Variants in P2RY12 observed in about 807,000 individuals in gnomAD.
P2RY12 encodes the protein P2Y purinoceptor 12.
P2RY12 carries 3 observed loss-of-function variants against 4.5 expected under a neutral mutation model. The ratio of observed to expected loss-of-function variants is 0.67; its 90% CI spans 0.31 to 1.74. The LOEUF (loss-of-function observed/expected upper bound fraction) is 1.74, where lower values mean the gene tolerates loss of function less well. Ranked by LOEUF, P2RY12 falls within the 40% of genes most tolerant of loss-of-function variation. The pLI, the probability that P2RY12 is intolerant of heterozygous loss-of-function variation, is 0.09. For synonymous variants in P2RY12, 148 were observed against 154.1 expected, an observed-to-expected ratio of 0.96 and a Z score of 0.29; for missense variants, 356 against 407.8, an observed-to-expected ratio of 0.87 and a Z score of 1.09.
In P2RY12 at chr3:151,379,602, TGA is replaced by T. The variant is rs1166886170; in HGVS notation, c.-180+5088_-180+5089del. The stretch of plus-strand genomic sequence containing the variant: ...TTTTGGAGTCCTCAGCCCTGGCTGA[TGA>T]ATTAGCTCTACTAACACCCTGCTTT... On this transcript the variant is annotated intron_variant, in intron 1 of 2. Coordinates refer to ENST00000302632, the MANE Select transcript of P2RY12 (RefSeq NM_022788.5). 8.5e-5 allele frequency among the ~76,000 whole-genome samples: 13 copies of T among 152,302 alleles called. No homozygotes were observed. The South Asian group carries it at 1.2e-3, about 15-fold the overall frequency.
At chr3:151,372,229 A>G (rs1360140474) in intron 1 of P2RY12, among the ~76,000 whole-genome samples, 3 of 152,228 alleles carry the variant, frequency 2.0e-5, no homozygotes, top group East Asian at 1.9e-4. Context: ...AGTCAAATGA[A>G]TTTGAATACA....
At chr3:151,370,264 C>T (rs191951417) in intron 1 of P2RY12, among the ~76,000 whole-genome samples, 1 of 152,262 alleles carries the variant, frequency 6.6e-6, no homozygotes, top group East Asian at 1.9e-4. Flanking sequence ...TCAAGTCAGA[C>T]TGCCTAATTC....
At chr3:151,364,141 C>T (rs1754990179) in intron 1 of P2RY12, among the ~76,000 whole-genome samples, 1 of 152,144 alleles carries the variant, frequency 6.6e-6, no homozygotes, top group Non-Finnish European at 1.5e-5. Flanking sequence ...ATGCTACCTA[C>T]AGAAGGTAAG....
intron 1 of P2RY12, among the ~76,000 whole-genome samples, chr3:151,382,928 C>T (rs1469464636): frequency 2.0e-5 from 3 of 152,174 alleles, no homozygotes; most frequent in Non-Finnish European, 4.4e-5. Context: ...TCCTTCCTGT[C>T]TGGTCAGACA....
intron 1 of P2RY12, among the ~76,000 whole-genome samples, chr3:151,347,757 G>A (rs895209370): frequency 2.0e-5 from 3 of 152,118 alleles, no homozygotes; most frequent in Non-Finnish European, 1.5e-5. Flanking sequence ...ATTATACTTC[G>A]AAGCATTTTA....
At chr3:151,380,232 A>G (rs1712005439) in intron 1 of P2RY12, 1 of 1,505,276 alleles carries the variant, frequency 6.6e-7, no homozygotes. Flanking sequence ...CAGGTAAAGT[A>G]TAGTATAATA....
intron 1 of P2RY12, among the ~76,000 whole-genome samples, chr3:151,345,378 C>A (rs993089403): frequency 6.6e-6 from 1 of 152,004 alleles, no homozygotes; most frequent in Non-Finnish European, 1.5e-5. Context: ...AACTTGAGGG[C>A]GTTTAAACAC....
intron 1 of P2RY12, among the ~76,000 whole-genome samples, chr3:151,341,014 A>AT (rs891318441): frequency 6.6e-6 from 1 of 152,146 alleles, no homozygotes; most frequent in Non-Finnish European, 1.5e-5. Context: ...GTTATTTTCT[A>AT]TGCAAATGAT....
At chr3:151,371,896 T>G (rs1344120014) in intron 1 of P2RY12, among the ~76,000 whole-genome samples, 1 of 152,234 alleles carries the variant, frequency 6.6e-6, no homozygotes, top group Non-Finnish European at 1.5e-5. Flanking sequence ...AACTTTGTTA[T>G]GAAGAAAACA....
chr3:151,361,977 A>G (rs994281036), intron 1 of P2RY12, among the ~76,000 whole-genome samples: 2 of 152,120 alleles, frequency 1.3e-5, no homozygotes, highest in African/African-American at 4.8e-5. Flanking sequence ...GGTAGAAGGT[A>G]ATAGCTAAGA....
At chr3:151,345,352 T>G (rs1752396541) in intron 1 of P2RY12, among the ~76,000 whole-genome samples, 3 of 152,158 alleles carry the variant, frequency 2.0e-5, no homozygotes, top group Admixed American at 2.0e-4. Flanking sequence ...ATTATTAATA[T>G]TACTTACAAC....
intron 1 of P2RY12, among the ~76,000 whole-genome samples, chr3:151,363,527 A>G (rs577941574): frequency 1.8e-4 from 27 of 152,284 alleles, no homozygotes; most frequent in African/African-American, 6.3e-4. Flanking sequence ...TTCCATCAAG[A>G]GCTTTATTTC....
intron 1 of P2RY12, chr3:151,376,769 A>G (rs1428738152): frequency 3.2e-6 from 5 of 1,562,246 alleles, no homozygotes; most frequent in Non-Finnish European, 4.4e-6. Flanking sequence ...TTTGATACCC[A>G]TAATGTTTTA....
intron 1 of P2RY12, among the ~76,000 whole-genome samples, chr3:151,367,064 A>G (rs1162416369): frequency 2.0e-5 from 3 of 152,188 alleles, no homozygotes. Context: ...AGGTCACGTG[A>G]GATCTAGAAA....
chr3:151,347,849 TA>T lies in P2RY12; in HGVS notation c.-179-7090del, dbSNP rs568766780. 1.1e-3 allele frequency among the ~76,000 whole-genome samples: 165 copies of T among 152,288 alleles called. 1 individual carries two copies. Among genetic ancestry groups the T allele is most frequent in the African/African-American group, 3.8e-3 (156 of 41,566 alleles). On this transcript the variant is annotated intron_variant, in intron 1 of 2. Coordinates refer to ENST00000302632, the MANE Select transcript of P2RY12 (RefSeq NM_022788.5). ...TTTTTCAGAGGAAGAATTAGAGGTT[TA>T]GAAAGGTTTATTATTCGAGATCATG...
At chr3:151,359,617 T>G (rs1754359760) in intron 1 of P2RY12, among the ~76,000 whole-genome samples, 1 of 152,158 alleles carries the variant, frequency 6.6e-6, no homozygotes, top group Non-Finnish European at 1.5e-5. Flanking sequence ...CTCTTTGCCT[T>G]TGAGCAAGTC....
At chr3:151,373,359 C>G (rs1340753651) in intron 1 of P2RY12, among the ~76,000 whole-genome samples, 2 of 152,096 alleles carry the variant, frequency 1.3e-5, no homozygotes, top group Non-Finnish European at 2.9e-5. Context: ...TAAGATGTTT[C>G]CATTGTATAG....
chr3:151,350,726 A>G (rs1199197295), intron 1 of P2RY12, among the ~76,000 whole-genome samples: 5 of 152,120 alleles, frequency 3.3e-5, no homozygotes, highest in South Asian at 2.1e-4. Context: ...ATGGCTACCT[A>G]TATCTCCAAA....
chr3:151,363,544 CA>C (rs1401228384), intron 1 of P2RY12, among the ~76,000 whole-genome samples: 2 of 152,178 alleles, frequency 1.3e-5, no homozygotes, highest in Non-Finnish European at 2.9e-5. Flanking sequence ...TTTCTCACAT[CA>C]ACCTCAAGAA....
Sources: gnomAD v4.1 joint callset for allele counts (sites outside exome capture counted in the v4.1 genomes callset) on GRCh38, gnomAD v4.1.1 for gene constraint, MANE v1.5 for transcripts, NCBI Gene and HGNC (gene_info 2026-07-23, HGNC 2026-07-21) for gene names.